Variants in FAF1 observed in about 807,000 individuals in gnomAD.
FAF1 encodes the protein Fas associated factor 1.
FAF1 carries 25 observed loss-of-function variants against 92.5 expected under a neutral mutation model. The ratio of observed to expected loss-of-function variants is 0.27; its 90% CI spans 0.20 to 0.38. The LOEUF (loss-of-function observed/expected upper bound fraction) is 0.38. Ranked by LOEUF, FAF1 falls within the 10% of genes least tolerant of loss-of-function variation. The probability of loss-of-function intolerance (pLI) is 1.00; values close to 1 mark genes in which losing one functional copy is unlikely to be tolerated. For missense variants in FAF1, 636 were observed against 793.3 expected, an observed-to-expected ratio of 0.80 and a Z score of 2.38; for synonymous variants, 234 against 273.2, an observed-to-expected ratio of 0.86 and a Z score of 1.42.
chr1:50,693,910 T>C (rs1474372324), intron 7 of FAF1, among the ~76,000 whole-genome samples: 1 of 152,020 alleles, frequency 6.6e-6, no homozygotes, highest in East Asian at 1.9e-4. Flanking sequence ...GAAATAAGAA[T>C]TATCAACAGA....
At chr1:50,595,969 G>C (rs898236330) in intron 9 of FAF1, 152 bp downstream of exon 9, 14 of 599,978 alleles carry the variant, frequency 2.3e-5, no homozygotes, top group Non-Finnish European at 3.9e-5. Context: ...ACCTTGCATG[G>C]ACAGTTTCTG....
chr1:50,598,033 C>A (rs539175729), intron 8 of FAF1, among the ~76,000 whole-genome samples: 1 of 152,304 alleles, frequency 6.6e-6, no homozygotes, highest in South Asian at 2.1e-4. Context: ...GTGGCTCATG[C>A]CTGTAATTCC....
intron 3 of FAF1, among the ~76,000 whole-genome samples, chr1:50,793,380 T>C (rs1219077405): frequency 6.6e-6 from 1 of 152,222 alleles, no homozygotes; most frequent in African/African-American, 2.4e-5. Context: ...TCTAAAATGA[T>C]GCTAATTACT....
intron 6 of FAF1, among the ~76,000 whole-genome samples, chr1:50,712,367 CTA>C (rs1657968433): frequency 6.6e-6 from 1 of 152,004 alleles, no homozygotes; most frequent in East Asian, 1.9e-4. Context: ...AAGAAATACG[CTA>C]TGTTTGCTGG....
chr1:50,519,316 G>A (rs1254212859), intron 15 of FAF1, among the ~76,000 whole-genome samples: 8 of 145,998 alleles, frequency 5.5e-5, no homozygotes, highest in East Asian at 4.3e-4. Flanking sequence ...GTGACAGAGC[G>A]AGACTGTCTC....
intron 2 of FAF1, among the ~76,000 whole-genome samples, chr1:50,833,599 C>T (rs1644174898): frequency 6.6e-6 from 1 of 152,034 alleles, no homozygotes; most frequent in African/African-American, 2.4e-5. Flanking sequence ...CTGTCCTCTC[C>T]CCAGAGGTTG....
rs187850672 is a variant in FAF1, at chr1:50,776,455, G to A, written c.367+11545C>T. Among the ~76,000 whole-genome samples the A allele has an allele frequency of 1.3e-4, 20 of 152,156 alleles. No homozygotes were observed. In the East Asian group the frequency reaches 3.5e-3, roughly 26 times the overall value. On this transcript the variant is annotated intron_variant, in intron 4 of 18. Transcript: ENST00000396153. ...GGTTTCTCTCTAATATATTTAAAGT[G>A]TAACATTAACATACATAATCCAGAG...
chr1:50,741,994 C>G (rs1460489249), intron 5 of FAF1, among the ~76,000 whole-genome samples: 1 of 152,068 alleles, frequency 6.6e-6, no homozygotes, highest in East Asian at 1.9e-4. Context: ...GCAGAAATCA[C>G]CTAGTGAAGA....
chr1:50,590,734 C>A (rs767393605), intron 9 of FAF1, among the ~76,000 whole-genome samples: 3 of 151,942 alleles, frequency 2.0e-5, no homozygotes, highest in South Asian at 4.1e-4. Flanking sequence ...GTAATCCCAG[C>A]ACTTTGGGAG....
In FAF1 at chr1:50,766,439, CAAG is replaced by C. The variant is rs576729601; in HGVS notation, c.367+21558_367+21560del. Among the ~76,000 whole-genome samples, 10 of 152,066 alleles carry C rather than the reference CAAG, an allele frequency of 6.6e-5. No individual in the cohort carries two copies. In the East Asian group the frequency reaches 1.9e-3, roughly 29 times the overall value. On this transcript the variant is annotated intron_variant, in intron 4 of 18. Coordinates refer to ENST00000396153, the MANE Select transcript of FAF1 (RefSeq NM_007051.3). ...CTCTTATGGCCAGAAAGGACCCATC[CAAG>C]AAGATGTTTAAAACCACTCTGGGGA...
intron 15 of FAF1, among the ~76,000 whole-genome samples, chr1:50,508,803 G>C (rs2149021588): frequency 6.6e-6 from 1 of 152,324 alleles, no homozygotes; most frequent in South Asian, 2.1e-4. Context: ...TCAGGTTCAA[G>C]TGATTCTCTT....
intron 18 of FAF1, among the ~76,000 whole-genome samples, chr1:50,468,417 C>A (rs1646527084): frequency 6.6e-6 from 1 of 150,696 alleles, no homozygotes; most frequent in South Asian, 2.1e-4. Context: ...CTCAGCCTCC[C>A]AAGTAGATGG....
intron 8 of FAF1, among the ~76,000 whole-genome samples, chr1:50,638,438 TCTTTTTC>T (rs1430327536): frequency 6.8e-6 from 1 of 147,426 alleles, no homozygotes; most frequent in African/African-American, 2.6e-5. Flanking sequence ...TTTTTCTTTT[TCTTTTTC>T]TTTTTTTTTT....
chr1:50,721,277 C>G (rs1267378739), intron 6 of FAF1, among the ~76,000 whole-genome samples: 1 of 151,944 alleles, frequency 6.6e-6, no homozygotes, highest in Non-Finnish European at 1.5e-5. Flanking sequence ...TTATCACCAG[C>G]GATCTCTGCT....
At chr1:50,627,194 A>G (rs1653544102) in intron 8 of FAF1, among the ~76,000 whole-genome samples, 1 of 152,182 alleles carries the variant, frequency 6.6e-6, no homozygotes, top group African/African-American at 2.4e-5. Flanking sequence ...TTTAAATTGT[A>G]GATATGATAA....
At chr1:50,709,248 C>G (rs1489311168) in intron 6 of FAF1, among the ~76,000 whole-genome samples, 2 of 152,172 alleles carry the variant, frequency 1.3e-5, no homozygotes, top group Non-Finnish European at 2.9e-5. Context: ...TTTCAGGCCT[C>G]TACTTGGGTT....
chr1:50,948,278 T>G (rs528647034), intron 1 of FAF1, among the ~76,000 whole-genome samples: 1 of 152,204 alleles, frequency 6.6e-6, no homozygotes, highest in Admixed American at 6.5e-5. Flanking sequence ...TGTGTTGCTA[T>G]AAAAAAAATC....
At chr1:50,739,362 G>A (rs949187324) in intron 5 of FAF1, among the ~76,000 whole-genome samples, 2 of 151,798 alleles carry the variant, frequency 1.3e-5, no homozygotes, top group Admixed American at 6.6e-5. Context: ...GTGTACATGT[G>A]TACACGTACA....
Position 50,690,563 on chromosome 1 carries a change from T to C in FAF1, c.657+15223A>G, listed in dbSNP as rs189665240. ...TTGCAGTGAGCTGAGATCGTGCCAC[T>C]GCACTCCAGCCTGGGTGACAGAGCA... On this transcript the variant is annotated intron_variant, in intron 7 of 18. Transcript: ENST00000396153. Among the ~76,000 whole-genome samples the C allele has an allele frequency of 7.9e-5, 12 of 152,260 alleles. No individual in the cohort carries two copies. The East Asian group carries it at 2.3e-3, about 30-fold the overall frequency.
Sources: gnomAD v4.1 joint callset for allele counts (sites outside exome capture counted in the v4.1 genomes callset) on GRCh38, gnomAD v4.1.1 for gene constraint, MANE v1.5 for transcripts, NCBI Gene and HGNC (gene_info 2026-07-23, HGNC 2026-07-21) for gene names.